Variants in LRRC7 observed in about 807,000 individuals in gnomAD.
LRRC7 encodes leucine rich repeat containing 7, also known as leucine-rich repeat-containing protein 7.
Under a neutral mutation model 175.7 loss-of-function variants are expected in LRRC7, and 23 were observed. That is an observed-to-expected ratio of 0.13 (90% CI 0.09 to 0.19). The LOEUF (loss-of-function observed/expected upper bound fraction) is 0.19, where lower values mean the gene tolerates loss of function less well. Ranked by LOEUF, LRRC7 falls within the 10% of genes least tolerant of loss-of-function variation. The pLI is 1.00. For synonymous variants in LRRC7, 685 were observed against 680.9 expected (o/e 1.01, Z -0.09); for missense variants, 1,354 against 1,904.7 (o/e 0.71, Z 5.38).
chr1:70,118,097 A>G (rs74085939), intron 26 of LRRC7, among the ~76,000 whole-genome samples: 19,074 of 151,404 alleles, frequency 0.13, 1,613 homozygotes, highest in African/African-American at 0.24. Context: ...ACACACGCAC[A>G]CGAACAAAAA....
intron 1 of LRRC7, among the ~76,000 whole-genome samples, chr1:69,597,519 T>A (rs1646891884): frequency 6.6e-6 from 1 of 152,174 alleles, no homozygotes; most frequent in Non-Finnish European, 1.5e-5. Context: ...AAAATTTCCA[T>A]TAAATGAGAC....
chr1:69,656,588 T>C (rs1656640113), intron 1 of LRRC7, among the ~76,000 whole-genome samples: 1 of 152,020 alleles, frequency 6.6e-6, no homozygotes, highest in Non-Finnish European at 1.5e-5. Flanking sequence ...CCCATAAACT[T>C]AAGACTTCAT....
chr1:69,574,455 T>G (rs1645864346), intron 1 of LRRC7, among the ~76,000 whole-genome samples: 1 of 152,072 alleles, frequency 6.6e-6, no homozygotes, highest in South Asian at 2.1e-4. Flanking sequence ...TATAGATGCT[T>G]GGCTGTATTG....
chr1:69,613,491 T>C (rs1218846266), intron 1 of LRRC7, among the ~76,000 whole-genome samples: 1 of 152,004 alleles, frequency 6.6e-6, no homozygotes, highest in East Asian at 1.9e-4. Context: ...TCAAATATCA[T>C]GTATGAGGTG....
chr1:69,596,167 C>T lies in LRRC7; in HGVS notation c.2+27526C>T, dbSNP rs1444679107. Among the ~76,000 whole-genome samples the T allele has an allele frequency of 8.6e-5, 13 of 152,032 alleles. 1 individual carries two copies. The stretch of plus-strand genomic sequence containing the variant: ...AAGTCCATTATAAGAAGAGCACCAG[C>T]GTTATTCTAACCAGTTTAAGAAGAT... On this transcript the variant is annotated intron_variant, in intron 1 of 26. Transcript: ENST00000651989.
chr1:69,799,481 T>C (rs1676207225), intron 4 of LRRC7, among the ~76,000 whole-genome samples: 1 of 152,144 alleles, frequency 6.6e-6, no homozygotes, highest in Non-Finnish European at 1.5e-5. Flanking sequence ...TGTCTCTGAG[T>C]TGTTTTACTT....
chr1:69,782,980 A>G (rs939664227), intron 3 of LRRC7, among the ~76,000 whole-genome samples: 1 of 152,216 alleles, frequency 6.6e-6, no homozygotes, highest in South Asian at 2.1e-4. Context: ...ATGACCATCC[A>G]AACACTTCCT....
At chr1:69,684,657 T>C (rs1043003617) in intron 2 of LRRC7, among the ~76,000 whole-genome samples, 3 of 152,170 alleles carry the variant, frequency 2.0e-5, no homozygotes, top group Admixed American at 6.5e-5. Context: ...GGTATGCTTC[T>C]TGCATTTTCT....
chr1:70,082,631 T>A (rs1359713661), intron 24 of LRRC7, among the ~76,000 whole-genome samples: 1 of 152,012 alleles, frequency 6.6e-6, no homozygotes, highest in South Asian at 2.1e-4. Context: ...ATGAAGGAAA[T>A]GAAATGACTA....
At chr1:69,916,990 AG>A (rs1233003389) in intron 7 of LRRC7, among the ~76,000 whole-genome samples, 1 of 152,182 alleles carries the variant, frequency 6.6e-6, no homozygotes, top group Non-Finnish European at 1.5e-5. Flanking sequence ...GAAGATTTAC[AG>A]GAATAACATT....
At chr1:69,925,804 GT>G (rs1647053107) in intron 7 of LRRC7, among the ~76,000 whole-genome samples, 1 of 149,358 alleles carries the variant, frequency 6.7e-6, no homozygotes, top group Non-Finnish European at 1.5e-5. Context: ...ATTTCCTTCA[GT>G]TCTGCTCTGA....
chr1:69,678,597 T>G, intron 2 of LRRC7, 119 bp downstream of exon 2: 3 of 697,492 alleles, frequency 4.3e-6, no homozygotes, highest in Non-Finnish European at 7.4e-6. Context: ...TTGAGTCGAG[T>G]TGGTCTTTTA....
intron 26 of LRRC7, among the ~76,000 whole-genome samples, chr1:70,116,269 T>C (rs56194840): frequency 0.13 from 19,552 of 152,198 alleles, 1,742 homozygotes; most frequent in African/African-American, 0.25. Flanking sequence ...AAATTCTTGC[T>C]GGGCGCGGTG....
chr1:70,089,440 A>C (rs925009953), intron 24 of LRRC7, among the ~76,000 whole-genome samples: 1 of 151,730 alleles, frequency 6.6e-6, no homozygotes, highest in Admixed American at 6.7e-5. Flanking sequence ...AAGACTTTTA[A>C]CTTTTAAAAA....
chr1:69,718,602 T>C (rs1196230101), intron 2 of LRRC7, among the ~76,000 whole-genome samples: 2 of 151,728 alleles, frequency 1.3e-5, no homozygotes, highest in African/African-American at 4.8e-5. Flanking sequence ...CAGAATTTTA[T>C]CAGGCAAAAA....
intron 3 of LRRC7, among the ~76,000 whole-genome samples, chr1:69,781,528 A>C (rs1193629700): frequency 2.7e-5 from 4 of 150,842 alleles, no homozygotes; most frequent in Non-Finnish European, 5.9e-5. Flanking sequence ...CCAAAAATAT[A>C]AAAAATTAGC....
At chr1:69,701,444 A>G (rs1015147723) in intron 2 of LRRC7, among the ~76,000 whole-genome samples, 3 of 152,214 alleles carry the variant, frequency 2.0e-5, no homozygotes, top group African/African-American at 4.8e-5. Flanking sequence ...TGCTCAATAC[A>G]TACTTGCTCA....
intron 11 of LRRC7, among the ~76,000 whole-genome samples, chr1:69,995,053 A>G (rs901955376): frequency 9.9e-5 from 15 of 152,188 alleles, no homozygotes; most frequent in Non-Finnish European, 4.4e-5. Context: ...TATTAGTAAC[A>G]TTTAATATTT....
At chr1:69,864,265 A>G (rs1684674306) in intron 7 of LRRC7, among the ~76,000 whole-genome samples, 1 of 152,226 alleles carries the variant, frequency 6.6e-6, no homozygotes, top group African/African-American at 2.4e-5. Flanking sequence ...CACAGATAGA[A>G]ATATGAATGT....
Sources: gnomAD v4.1 joint callset for allele counts (sites outside exome capture counted in the v4.1 genomes callset) on GRCh38, gnomAD v4.1.1 for gene constraint, MANE v1.5 for transcripts, NCBI Gene and HGNC (gene_info 2026-07-23, HGNC 2026-07-21) for gene names.